The following DUSP8 variants were observed in gnomAD, a reference collection of about 807,000 sequenced individuals.
The protein encoded by DUSP8 is dual specificity protein phosphatase 8.
A neutral mutation model predicts 38.7 loss-of-function variants in DUSP8; 15 were observed. That is an observed-to-expected ratio of 0.39 (90% CI 0.26 to 0.60). DUSP8 has a LOEUF of 0.60. Ranked by LOEUF, DUSP8 falls within the 20% of genes least tolerant of loss-of-function variation. The probability of loss-of-function intolerance (pLI) is 0.56; values close to 1 mark genes in which losing one functional copy is unlikely to be tolerated. For synonymous variants in DUSP8, 458 were observed against 433.9 expected (o/e 1.06, Z -0.69); for missense variants, 768 against 915.0 (o/e 0.84, Z 2.07).
chr11:1,558,528 T>C lies in DUSP8; in HGVS notation c.538-257A>G, dbSNP rs1848671194. 2.0e-5 allele frequency among the ~76,000 whole-genome samples: 3 copies of C among 152,132 alleles called. No individual in the cohort carries two copies. Among genetic ancestry groups the C allele is most frequent in the Admixed American group, 6.5e-5 (1 of 15,276 alleles). The stretch of plus-strand genomic sequence containing the variant: ...CCACCCACGGCTGGTGGTGGGCTCC[T>C]AGGAATTTTATGATTGCCTGGGTGG... On this transcript the variant is annotated intron_variant, in intron 4 of 6. Coordinates refer to ENST00000397374, the MANE Select transcript of DUSP8 (RefSeq NM_004420.3). This position sits in a 1 kb window ranked among gnomAD's most constrained non-coding sequence, Gnocchi z 6.3.
chr11:1,564,942 A>G (rs1031019045), intron 2 of DUSP8, among the ~76,000 whole-genome samples: 7 of 152,114 alleles, frequency 4.6e-5, no homozygotes, highest in Admixed American at 1.3e-4. Flanking sequence ...GAGGCAGTAG[A>G]AGGAGGAGGT....
At position 1,558,466 on chromosome 11, in the gene DUSP8, C is replaced by T. The variant is rs975063434; in HGVS notation, c.538-195G>A. ...TCCACCCTGGCACCCTGGGCCCGTGCGGGGGGTGGGGCACGGCTGGCCTCC... is the reference window on the plus strand; with the variant it reads ...TCCACCCTGGCACCCTGGGCCCGTGTGGGGGGTGGGGCACGGCTGGCCTCC... On this transcript the variant is annotated intron_variant, in intron 4 of 6. Transcript: ENST00000397374. This position sits in a 1 kb window ranked among gnomAD's most constrained non-coding sequence, Gnocchi z 6.3. Among the ~76,000 whole-genome samples the T allele has an allele frequency of 6.8e-6, 1 of 147,044 alleles. No individual in the cohort carries two copies. The highest frequency in any genetic ancestry group is 1.5e-5 in the Non-Finnish European group (1 of 67,034).
chr11:1,569,679 A>T (rs902224), intron 1 of DUSP8, among the ~76,000 whole-genome samples: 94,553 of 151,768 alleles, frequency 0.62, 29,949 homozygotes, highest in Non-Finnish European at 0.66. Context: ...GTCCCAGGCC[A>T]CCCCCAGCTC....
Position 1,555,317 on chromosome 11 carries a change from G to A in DUSP8, c.*1201C>T, listed in dbSNP as rs1242007594. ...GCCCCATGGGGGTGGGGGCAAACGA[G>A]GGGGCTTTACCTGTCTTGAGGCAGT... On this transcript the variant is annotated 3_prime_UTR_variant, in exon 7 of 7. Transcript: ENST00000397374. 6 of 987,932 alleles carry A rather than the reference G, an allele frequency of 6.1e-6. No homozygotes were observed. Among genetic ancestry groups the A allele is most frequent in the Non-Finnish European group, 7.2e-6 (6 of 830,278 alleles). The allele number at this position is 987,932 out of a possible 1,614,324, so 61.2% of individuals were successfully genotyped here.
chr11:1,560,644 G>A (rs1848702174), intron 3 of DUSP8, among the ~76,000 whole-genome samples: 1 of 152,240 alleles, frequency 6.6e-6, no homozygotes, highest in Non-Finnish European at 1.5e-5. Context: ...GCCCCAGCTT[G>A]CAGGTTCCCC....
chr11:1,557,713 G>A lies in DUSP8; in HGVS notation c.821+81C>T. 1 of 1,598,366 alleles carries A rather than the reference G, an allele frequency of 6.3e-7. No individual in the cohort carries two copies. The highest frequency in any genetic ancestry group is 8.5e-7 in the Non-Finnish European group (1 of 1,172,478). On this transcript the variant is annotated intron_variant, in intron 6 of 6. Transcript: ENST00000397374. The surrounding 1 kb of genome is among the most constrained non-coding windows in gnomAD (Gnocchi z 9.9). ...CCTTGCCACGGGTCCTGGACGGTGG[G>A]GTCATTCTGGTGCAAGTGGGCAGCC...
chr11:1,565,513 G>T lies in DUSP8; in HGVS notation c.231+83C>A. 2.7e-6 allele frequency: 3 copies of T among 1,115,726 alleles called. No individual in the cohort carries two copies. The South Asian group carries it at 4.3e-5, about 16-fold the overall frequency. The allele number at this position is 1,115,726 out of a possible 1,614,324, so 69.1% of individuals were successfully genotyped here. ...GTCGAGTTTGGACTGGAAGGCAGAG[G>T]AGGGGGGTGCTGCCCGAGCTGAGGG... On this transcript the variant is annotated intron_variant, in intron 2 of 6. Transcript: ENST00000397374.
intron 1 of DUSP8, among the ~76,000 whole-genome samples, chr11:1,570,226 C>T (rs1848866658): frequency 6.6e-6 from 1 of 152,190 alleles, no homozygotes; most frequent in African/African-American, 2.4e-5. Context: ...TCCCTTCCCA[C>T]CAGACCTGTG....
intron 1 of DUSP8, among the ~76,000 whole-genome samples, chr11:1,566,197 T>C (rs1332507473): frequency 1.3e-5 from 2 of 152,064 alleles, no homozygotes; most frequent in East Asian, 1.9e-4. Context: ...CTGTGGGCCC[T>C]GGGGTTCACG....
chr11:1,565,809 G>A lies in DUSP8; in HGVS notation c.18C>T (p.Leu6=). 1 of 1,606,530 alleles carries A rather than the reference G, an allele frequency of 6.2e-7. No homozygotes were observed. Residue 6 remains leucine, a synonymous_variant, in exon 2 of 7, where the codon CTC becomes CTT. Transcript: ENST00000397374. The stretch of plus-strand genomic sequence containing the variant: ...TCTTGGCATCCATCACCTTCCTCGG[G>A]AGCCGGTCCCCAGCCATGGTGGGGC... MAGDR[L]PRKVMDAKKL...
chr11:1,558,904 C>A lies in DUSP8; in HGVS notation c.522G>T (p.Lys174Asn), dbSNP rs1453132138. The change falls in exon 4 of 7, where the codon AAG (lysine) becomes AAT (asparagine). Residue 174 changes from lysine (K) to asparagine (N), a missense_variant. This residue lies in a region of DUSP8 where 252 missense variants were observed against 410.4 expected (regional missense o/e 0.61). Transcript: ENST00000397374. This position sits in a 1 kb window ranked among gnomAD's most constrained non-coding sequence, Gnocchi z 6.3. ...GCACACACACCTTGTTTAGGACGTC[C>A]TTCTGCGAGCCCAGGTAGAGGTGAG... ...ILPHLYLGSQ[K>N]DVLNKDLMTQ... 1 of 1,610,634 alleles carries A rather than the reference C, an allele frequency of 6.2e-7. No individual in the cohort carries two copies. The highest frequency in any genetic ancestry group is 1.7e-5 in the Admixed American group (1 of 59,712).
At chr11:1,570,744 G>GT (rs1441060269) in intron 1 of DUSP8, among the ~76,000 whole-genome samples, 1 of 152,178 alleles carries the variant, frequency 6.6e-6, no homozygotes, top group African/African-American at 2.4e-5. Flanking sequence ...CTTATTAGCA[G>GT]TGAATGCATG....
intron 1 of DUSP8, among the ~76,000 whole-genome samples, chr11:1,566,309 G>A (rs1325536546): frequency 2.6e-5 from 4 of 152,076 alleles, no homozygotes; most frequent in African/African-American, 9.7e-5. Context: ...CCAGCAAGTC[G>A]GGGTCTGGAC....
intron 1 of DUSP8, among the ~76,000 whole-genome samples, chr11:1,568,317 A>C (rs1171882997): frequency 1.4e-5 from 2 of 144,836 alleles, no homozygotes; most frequent in African/African-American, 5.1e-5. Context: ...GCCAGATCTG[A>C]GACCCAGAGG....
Position 1,554,915 on chromosome 11 carries a change from G to A in DUSP8, c.*1603C>T. ...GGTGGGGACAGAGGGAACGGGAACA[G>A]GACTTTTGCTGAAAGGAGGGATGAC... On this transcript the variant is annotated 3_prime_UTR_variant, in exon 7 of 7. Transcript: ENST00000397374. 1 of 985,486 alleles carries A rather than the reference G, an allele frequency of 1.0e-6. No individual in the cohort carries two copies. Among genetic ancestry groups the A allele is most frequent in the Non-Finnish European group, 1.2e-6 (1 of 829,678 alleles). The allele number at this position is 985,486 out of a possible 1,614,324, so 61.0% of individuals were successfully genotyped here. A position where few individuals can be genotyped will look rare whatever the true frequency, so the allele number is the denominator to read the frequency against.
chr11:1,555,774 T>G lies in DUSP8; in HGVS notation c.*744A>C, dbSNP rs1848611949. The G allele has an allele frequency of 6.6e-6, 1 of 152,398 alleles. No homozygotes were observed. Among genetic ancestry groups the G allele is most frequent in the African/African-American group, 2.4e-5 (1 of 41,420 alleles). 9.4% of individuals were successfully genotyped at this position (152,398 alleles called of 1,614,324 possible). A position where few individuals can be genotyped will look rare whatever the true frequency, so the allele number is the denominator to read the frequency against. On this transcript the variant is annotated 3_prime_UTR_variant, in exon 7 of 7. Transcript: ENST00000397374. The stretch of plus-strand genomic sequence containing the variant: ...CAGGAGTTGGGGGCACTAACACCTC[T>G]GTCCTCCCCTGGGCTGCACCTCATC...
In DUSP8 at chr11:1,558,751, C is replaced by A; in HGVS notation, c.537+138G>T. On this transcript the variant is annotated intron_variant, in intron 4 of 6. Coordinates refer to ENST00000397374, the MANE Select transcript of DUSP8 (RefSeq NM_004420.3). The surrounding 1 kb of genome is among the most constrained non-coding windows in gnomAD (Gnocchi z 6.3). ...AGCCTGGGGTCCTCCTGGGCCCCCA[C>A]CCATGCTTCTCCCACACCCAGCTCA... 9.2e-7 allele frequency: 1 copy of A among 1,088,220 alleles called. No individual in the cohort carries two copies. The highest frequency in any genetic ancestry group is 1.7e-5 in the South Asian group (1 of 59,168). The allele number at this position is 1,088,220 out of a possible 1,614,324, so 67.4% of individuals were successfully genotyped here. A position where few individuals can be genotyped will look rare whatever the true frequency, so the allele number is the denominator to read the frequency against.
rs1590798879 is a variant in DUSP8, at chr11:1,556,485, C to A, written c.*33G>T. 3.2e-6 allele frequency: 4 copies of A among 1,232,626 alleles called. No individual in the cohort carries two copies. Among genetic ancestry groups the A allele is most frequent in the Middle Eastern group, 3.1e-4 (1 of 3,208 alleles). 76.4% of individuals were successfully genotyped at this position (1,232,626 alleles called of 1,614,324 possible). On this transcript the variant is annotated 3_prime_UTR_variant, in exon 7 of 7. Transcript: ENST00000397374. This position sits in a 1 kb window ranked among gnomAD's most constrained non-coding sequence, Gnocchi z 5.2. ...TAATATACATTTATAACGGGCCTGG[C>A]TGCGGGCGGCGGGGCCGAGGGCAGC...
rs774482458 is a variant in DUSP8, at chr11:1,555,555, C to A, written c.*963G>T. ...CCTCCTCATACCTGGGGGTCCAGGG[C>A]TTCCTGCCCAGTGGAGCCAGCACTG... On this transcript the variant is annotated 3_prime_UTR_variant, in exon 7 of 7. Coordinates refer to ENST00000397374, the MANE Select transcript of DUSP8 (RefSeq NM_004420.3). The A allele has an allele frequency of 1.5e-4, 121 of 828,512 alleles. No homozygotes were observed. Among genetic ancestry groups the A allele is most frequent in the Non-Finnish European group, 1.7e-4 (117 of 686,274 alleles). 51.3% of individuals were successfully genotyped at this position (828,512 alleles called of 1,614,324 possible). A position where few individuals can be genotyped will look rare whatever the true frequency, so the allele number is the denominator to read the frequency against.
Sources: allele counts gnomAD v4.1 joint callset (sites outside exome capture counted in the v4.1 genomes callset), GRCh38; gene constraint gnomAD v4.1.1; regional missense constraint gnomAD v4.1.1; non-coding constraint Gnocchi (gnomAD v3.1); transcripts MANE v1.5; gene names NCBI Gene and HGNC (gene_info 2026-07-23, HGNC 2026-07-21).